The following FBXO16 variants were observed in gnomAD, a reference collection of about 807,000 sequenced individuals.
FBXO16 encodes the protein F-box only protein 16.
FBXO16 carries 31 observed loss-of-function variants against 41.0 expected under a neutral mutation model. The ratio of observed to expected loss-of-function variants is 0.76; its 90% CI spans 0.57 to 1.02. The LOEUF (loss-of-function observed/expected upper bound fraction) is 1.02. FBXO16 is among the 50% of genes least tolerant of loss of function. The pLI is 0.00. For synonymous variants in FBXO16, 133 were observed against 117.8 expected, an observed-to-expected ratio of 1.13 and a Z score of -0.84; for missense variants, 361 against 346.2, an observed-to-expected ratio of 1.04 and a Z score of -0.34.
chr8:28,444,939 C>T (rs1802840504), intron 7 of FBXO16, among the ~76,000 whole-genome samples: 2 of 151,952 alleles, frequency 1.3e-5, no homozygotes, highest in African/African-American at 2.4e-5. Flanking sequence ...CCTATTTCTT[C>T]ATTTTCACAA....
intron 4 of FBXO16, among the ~76,000 whole-genome samples, chr8:28,459,337 G>A (rs530818470): frequency 1.3e-5 from 2 of 152,006 alleles, no homozygotes; most frequent in African/African-American, 4.8e-5. Context: ...TGCATCATAG[G>A]CTGGGCGCAG....
Position 28,474,513 on chromosome 8 carries a change from C to T in FBXO16, c.100-706G>A, listed in dbSNP as rs147805054. ...GAAAAAACAGGAACATGAAACTCCCCCATCTGAAATGTTTCAATATTAATA... is the reference window on the plus strand; with the variant it reads ...GAAAAAACAGGAACATGAAACTCCCTCATCTGAAATGTTTCAATATTAATA... On this transcript the variant is annotated intron_variant, in intron 2 of 8. Coordinates refer to ENST00000380254, the MANE Select transcript of FBXO16 (RefSeq NM_172366.4). 2.0e-4 allele frequency among the ~76,000 whole-genome samples: 30 copies of T among 151,760 alleles called. No individual in the cohort carries two copies. The East Asian group carries it at 3.9e-3, about 20-fold the overall frequency.
At chr8:28,429,005 A>C (rs1157620002) in intron 8 of FBXO16, among the ~76,000 whole-genome samples, 1 of 152,148 alleles carries the variant, frequency 6.6e-6, no homozygotes, top group Non-Finnish European at 1.5e-5. Flanking sequence ...GGATAGTATT[A>C]ATAAGTTTCA....
At chr8:28,437,863 ACT>A (rs1452524858) in intron 7 of FBXO16, among the ~76,000 whole-genome samples, 2 of 152,012 alleles carry the variant, frequency 1.3e-5, no homozygotes, top group African/African-American at 4.8e-5. Flanking sequence ...ACAGAGCGAG[ACT>A]CTGTCTCTAA....
Position 28,438,976 on chromosome 8 carries a change from T to C in FBXO16, c.843+8195A>G, listed in dbSNP as rs149856413. ...TCAGCCGGGCGTGGTGGCAAGTGCC[T>C]GTAATCCAAGCTACTTGGGAGGCTG... is the stretch of plus-strand genomic sequence containing the variant. On this transcript the variant is annotated intron_variant, in intron 7 of 8. Transcript: ENST00000380254. Among the ~76,000 whole-genome samples, 1,290 of 151,858 alleles carry C rather than the reference T, an allele frequency of 8.5e-3. 8 individuals carry two copies. Among genetic ancestry groups the C allele is most frequent in the Non-Finnish European group, 0.012 (794 of 67,932 alleles).
intron 3 of FBXO16, among the ~76,000 whole-genome samples, chr8:28,471,709 T>C (rs1381115521): frequency 6.7e-6 from 1 of 148,746 alleles, no homozygotes; most frequent in Non-Finnish European, 1.5e-5. Context: ...TATCTGTTAA[T>C]GCCTGGTAAG....
At chr8:28,463,148 ATGTT>A (rs1465985803) in intron 4 of FBXO16, among the ~76,000 whole-genome samples, 1 of 150,140 alleles carries the variant, frequency 6.7e-6, no homozygotes, top group East Asian at 1.9e-4. Flanking sequence ...GTGTGTGTGT[ATGTT>A]TGTGTGTGTA....
At chr8:28,473,143 T>G (rs993251339) in intron 3 of FBXO16, among the ~76,000 whole-genome samples, 2 of 152,242 alleles carry the variant, frequency 1.3e-5, no homozygotes, top group Non-Finnish European at 2.9e-5. Context: ...ATTCCCTTTT[T>G]GTCTCTTCTG....
At chr8:28,454,937 T>C (rs1281470223) in intron 5 of FBXO16, among the ~76,000 whole-genome samples, 1 of 149,326 alleles carries the variant, frequency 6.7e-6, no homozygotes, top group Non-Finnish European at 1.5e-5. Flanking sequence ...TTGGATATAT[T>C]GAAGTGATCA....
chr8:28,453,899 C>T (rs930657222), intron 5 of FBXO16, among the ~76,000 whole-genome samples: 2 of 151,988 alleles, frequency 1.3e-5, no homozygotes, highest in African/African-American at 2.4e-5. Context: ...CGTGGTGGCT[C>T]ACGCCTATAA....
At chr8:28,455,145 G>C (rs1203605166) in intron 5 of FBXO16, among the ~76,000 whole-genome samples, 1 of 150,268 alleles carries the variant, frequency 6.7e-6, no homozygotes, top group Admixed American at 6.7e-5. Flanking sequence ...GCTTGATCTC[G>C]GCTCACTGCA....
Position 28,466,488 on chromosome 8 carries a change from A to G in FBXO16, c.136-2670T>C, listed in dbSNP as rs534100549. Among the ~76,000 whole-genome samples, 78 of 151,688 alleles carry G rather than the reference A, an allele frequency of 5.1e-4. 1 individual carries two copies. Among genetic ancestry groups the G allele is most frequent in the African/African-American group, 1.9e-3 (78 of 41,336 alleles). The stretch of plus-strand genomic sequence containing the variant: ...CGTTTCTATACAAGCCATATCTCCA[A>G]CTCCCATAAAAGGAGACTTCTGGCC... On this transcript the variant is annotated intron_variant, in intron 3 of 8. Coordinates refer to ENST00000380254, the MANE Select transcript of FBXO16 (RefSeq NM_172366.4).
chr8:28,469,835 A>C (rs1028214100), intron 3 of FBXO16, among the ~76,000 whole-genome samples: 2 of 152,098 alleles, frequency 1.3e-5, no homozygotes, highest in Non-Finnish European at 2.9e-5. Flanking sequence ...CAGGAGGCGG[A>C]GGTTGCAGTG....
intron 2 of FBXO16, 38 bp from the exon 3 acceptor site, chr8:28,473,845 C>T: frequency 6.8e-7 from 1 of 1,481,222 alleles, no homozygotes; most frequent in Non-Finnish European, 9.3e-7. Flanking sequence ...ATTTCATATA[C>T]CATAGTTCAA....
intron 2 of FBXO16, among the ~76,000 whole-genome samples, chr8:28,477,890 G>A (rs1223720065): frequency 6.6e-6 from 1 of 152,134 alleles, no homozygotes; most frequent in Non-Finnish European, 1.5e-5. Flanking sequence ...TGTGAGCCTG[G>A]TGGTCCTAGC....
intron 4 of FBXO16, among the ~76,000 whole-genome samples, chr8:28,457,943 T>C (rs754236926): frequency 6.6e-6 from 1 of 152,184 alleles, no homozygotes. Context: ...ATATTTATAA[T>C]AATTTACCCA....
intron 7 of FBXO16, among the ~76,000 whole-genome samples, chr8:28,445,270 G>C (rs1060409): frequency 0.33 from 50,740 of 151,760 alleles, 8,850 homozygotes; most frequent in East Asian, 0.59. Flanking sequence ...TCCCTTTCAG[G>C]CTTAATTAGC....
chr8:28,463,158 GTGTA>G (rs1490808652), intron 4 of FBXO16, among the ~76,000 whole-genome samples: 5 of 151,978 alleles, frequency 3.3e-5, no homozygotes, highest in African/African-American at 7.3e-5. Flanking sequence ...ATGTTTGTGT[GTGTA>G]TGTGTGTTTG....
chr8:28,468,175 T>A (rs571966295), intron 3 of FBXO16, among the ~76,000 whole-genome samples: 21 of 152,296 alleles, frequency 1.4e-4, no homozygotes, highest in Non-Finnish European at 2.4e-4. Flanking sequence ...ATGTATGAGA[T>A]TGGGGGACCG....
Sources: allele counts gnomAD v4.1 joint callset (sites outside exome capture counted in the v4.1 genomes callset), GRCh38; gene constraint gnomAD v4.1.1; transcripts MANE v1.5; gene names NCBI Gene and HGNC (gene_info 2026-07-23, HGNC 2026-07-21).